COL11A1: variants seen among roughly 807,000 people sequenced by gnomAD.
COL11A1 encodes the protein collagen type XI alpha 1 chain, also known as collagen alpha-1(XI) chain.
Under a neutral mutation model 265.2 loss-of-function variants are expected in COL11A1, and 74 were observed. That is an observed-to-expected ratio of 0.28 (90% CI 0.23 to 0.34). The LOEUF is 0.34. COL11A1 is among the 10% of genes least tolerant of loss of function. The pLI is 1.00. For synonymous variants in COL11A1, 816 were observed against 727.6 expected, an observed-to-expected ratio of 1.12 and a Z score of -1.96; for missense variants, 2,165 against 2,263.6, an observed-to-expected ratio of 0.96 and a Z score of 0.88.
At chr1:102,995,960 T>A in intron 27 of COL11A1, 29 bp downstream of exon 27, 1 of 1,612,170 alleles carries the variant, frequency 6.2e-7, no homozygotes, top group Non-Finnish European at 8.5e-7. Flanking sequence ...ACTTTGAAAG[T>A]AAATAATGTG....
chr1:102,941,819 C>T (rs997607966), intron 42 of COL11A1, among the ~76,000 whole-genome samples: 6 of 152,120 alleles, frequency 3.9e-5, no homozygotes, highest in Admixed American at 1.3e-4. Context: ...TGATTCTTTG[C>T]ATATTATCAA....
chr1:102,905,057 G>A (rs531698154), intron 54 of COL11A1, among the ~76,000 whole-genome samples: 2 of 151,804 alleles, frequency 1.3e-5, no homozygotes, highest in Admixed American at 1.3e-4. Flanking sequence ...AAAATGATGA[G>A]TTCATGTCCT....
At chr1:102,986,013 G>A (rs570077705) in intron 30 of COL11A1, among the ~76,000 whole-genome samples, 3 of 152,144 alleles carry the variant, frequency 2.0e-5, no homozygotes, top group Non-Finnish European at 2.9e-5. Flanking sequence ...AAGGACATGA[G>A]GAATTTTCTT....
intron 9 of COL11A1, among the ~76,000 whole-genome samples, chr1:103,020,047 A>C (rs1213468573): frequency 1.1e-4 from 16 of 150,450 alleles, no homozygotes; most frequent in African/African-American, 2.0e-4. Flanking sequence ...CGCAATAAAC[A>C]TACATGTGCA....
chr1:103,041,792 CTG>C (rs2102055034), intron 4 of COL11A1, among the ~76,000 whole-genome samples: 1 of 152,052 alleles, frequency 6.6e-6, no homozygotes, highest in South Asian at 2.1e-4. Flanking sequence ...CATGCAATAT[CTG>C]TTGAACAGTA....
chr1:102,904,119 T>C (rs1031048918), intron 54 of COL11A1, among the ~76,000 whole-genome samples: 2 of 152,152 alleles, frequency 1.3e-5, no homozygotes, highest in Non-Finnish European at 2.9e-5. Context: ...TGCTTCAGCC[T>C]CTCAAAGTGC....
At position 102,962,206 on chromosome 1, in the gene COL11A1, G is replaced by A. The variant is rs201595181; in HGVS notation, c.3084C>T (p.Phe1028=). 5 of 1,613,658 alleles carry A rather than the reference G, an allele frequency of 3.1e-6. No individual in the cohort carries two copies. Among genetic ancestry groups the A allele is most frequent in the Non-Finnish European group, 4.2e-6 (5 of 1,179,732 alleles). The change falls in exon 40 of 67, where the codon TTC becomes TTT. Residue 1028 remains phenylalanine, a synonymous_variant. Transcript: ENST00000370096. ...CTCCAGGAAGACCTCTTTCCCCTGG[G>A]AAACCACGTAATCCTGCTGGTCCAT... is the stretch of plus-strand genomic sequence containing the variant. ...GKDGPAGLRG[F]PGERGLPGAQ... is the part of the protein sequence containing the mutation.
chr1:103,064,146 A>G (rs1020548941), intron 4 of COL11A1, among the ~76,000 whole-genome samples: 1 of 152,186 alleles, frequency 6.6e-6, no homozygotes, highest in African/African-American at 2.4e-5. Flanking sequence ...TTAGCAAGAC[A>G]GTTTGGCAGT....
At chr1:102,978,266 G>A (rs753647484) in intron 35 of COL11A1, among the ~76,000 whole-genome samples, 1 of 152,036 alleles carries the variant, frequency 6.6e-6, no homozygotes, top group Non-Finnish European at 1.5e-5. Flanking sequence ...TGGAATAGAT[G>A]TTTTATCTTG....
chr1:103,008,303 C>T (rs1220035367), intron 15 of COL11A1, among the ~76,000 whole-genome samples, 160 bp downstream of exon 15: 1 of 152,028 alleles, frequency 6.6e-6, no homozygotes, highest in Non-Finnish European at 1.5e-5. Context: ...ATATCGTAAT[C>T]AGTTTTCTCT....
In COL11A1 at chr1:102,877,053, C is replaced by G. The variant is rs1366919213; in HGVS notation, c.*966G>C. Reference sequence around the variant, plus strand: ...TCATAAATAATTGCTTAATTTCCATCTTTAATATTAACCTGCATTATTGAA... The same window carrying G: ...TCATAAATAATTGCTTAATTTCCATGTTTAATATTAACCTGCATTATTGAA... On this transcript the variant is annotated 3_prime_UTR_variant, in exon 67 of 67. Coordinates refer to ENST00000370096, the MANE Select transcript of COL11A1 (RefSeq NM_001854.4). 1 of 152,466 alleles carries G rather than the reference C, an allele frequency of 6.6e-6. No homozygotes were observed. Among genetic ancestry groups the G allele is most frequent in the Non-Finnish European group, 1.5e-5 (1 of 67,984 alleles). The allele number at this position is 152,466 out of a possible 1,614,324, so 9.4% of individuals were successfully genotyped here. A position where few individuals can be genotyped will look rare whatever the true frequency, so the allele number is the denominator to read the frequency against.
rs569890211 is a variant in COL11A1 at position 102,998,492 on chromosome 1, TA to T, written c.2143-130del. The T allele has an allele frequency of 2.2e-4, 123 of 551,660 alleles. 1 individual carries two copies. The African/African-American group carries it at 2.3e-3, about 11-fold the overall frequency. The allele number at this position is 551,660 out of a possible 1,614,324, so 34.2% of individuals were successfully genotyped here. ...AATTCATAAGTAATAACCATTTAAATAACTTTTAAATATATTATTTGGAGGA... is the reference window on the plus strand; with the variant it reads ...AATTCATAAGTAATAACCATTTAAATACTTTTAAATATATTATTTGGAGGA... On this transcript the variant is annotated intron_variant, in intron 24 of 66. Coordinates refer to ENST00000370096, the MANE Select transcript of COL11A1 (RefSeq NM_001854.4).
intron 4 of COL11A1, among the ~76,000 whole-genome samples, chr1:103,064,215 G>A (rs1025146280): frequency 6.6e-6 from 1 of 152,042 alleles, no homozygotes; most frequent in Non-Finnish European, 1.5e-5. Flanking sequence ...TTATCCAAAT[G>A]ATTTGAAAAT....
intron 53 of COL11A1, 57 bp from the exon 54 acceptor site, chr1:102,912,269 T>C (rs771697917): frequency 9.7e-6 from 14 of 1,439,094 alleles, no homozygotes; most frequent in Non-Finnish European, 1.3e-5. Context: ...GTGGCCCACA[T>C]AAATTTTCAA....
At chr1:102,987,953 C>A (rs1279241708) in intron 29 of COL11A1, among the ~76,000 whole-genome samples, 1 of 152,046 alleles carries the variant, frequency 6.6e-6, no homozygotes, top group Admixed American at 6.6e-5. Context: ...TTTCCCCAAA[C>A]AAATCTGCCT....
At chr1:102,907,728 T>C (rs115768635) in intron 54 of COL11A1, among the ~76,000 whole-genome samples, 1 of 75,596 alleles carries the variant, frequency 1.3e-5, no homozygotes, top group Non-Finnish European at 2.5e-5. Flanking sequence ...TAATGTTTAA[T>C]ATTAGATTTT....
intron 43 of COL11A1, 64 bp downstream of exon 43, chr1:102,940,263 T>C: frequency 7.7e-7 from 1 of 1,297,340 alleles, no homozygotes; most frequent in South Asian, 1.2e-5. Flanking sequence ...TAGAATTATC[T>C]AGAATTCTTG....
chr1:102,898,839 G>A (rs932536209), intron 55 of COL11A1, 66 bp from the exon 56 acceptor site: 17 of 1,474,580 alleles, frequency 1.2e-5, no homozygotes, highest in Non-Finnish European at 1.6e-5. Flanking sequence ...TTTATTAAAT[G>A]CACTGAAAAA....
rs1649691809 is a variant in COL11A1, at chr1:102,877,931, C to A, written c.*88G>T. ...TATGCAGCGTTGTTTTCTATACCAT[C>A]CTTATTCAAAACTTGCATGTGGCAC... On this transcript the variant is annotated 3_prime_UTR_variant, in exon 67 of 67. Transcript: ENST00000370096. 1 of 1,375,140 alleles carries A rather than the reference C, an allele frequency of 7.3e-7. No homozygotes were observed. The highest frequency in any genetic ancestry group is 1.0e-6 in the Non-Finnish European group (1 of 964,630). 85.2% of individuals were successfully genotyped at this position (1,375,140 alleles called of 1,614,324 possible).
Sources: allele counts gnomAD v4.1 joint callset (sites outside exome capture counted in the v4.1 genomes callset), GRCh38; gene constraint gnomAD v4.1.1; transcripts MANE v1.5; gene names NCBI Gene and HGNC (gene_info 2026-07-23, HGNC 2026-07-21).